Variants in PPIL4 observed in about 807,000 individuals in gnomAD.
PPIL4 encodes the protein peptidyl-prolyl cis-trans isomerase-like 4.
Under a neutral mutation model 69.1 loss-of-function variants are expected in PPIL4, and 50 were observed. The ratio of observed to expected loss-of-function variants is 0.72; its 90% CI spans 0.58 to 0.92. The LOEUF is 0.92. Among genes scored for constraint, PPIL4 ranks in the 40% least tolerant of loss-of-function variants. The pLI, the probability that PPIL4 is intolerant of heterozygous loss-of-function variation, is 0.00. For missense variants in PPIL4, 480 were observed against 587.9 expected (o/e 0.82, Z 1.90); for synonymous variants, 193 against 191.6 (o/e 1.01, Z -0.06).
intron 12 of PPIL4, among the ~76,000 whole-genome samples, chr6:149,509,954 G>GC (rs1249154288): frequency 1.3e-5 from 2 of 151,994 alleles, no homozygotes; most frequent in African/African-American, 4.8e-5. Context: ...TAGAGACAGG[G>GC]CCTCCTATGT....
chr6:149,540,412 T>C (rs894084945), intron 4 of PPIL4, among the ~76,000 whole-genome samples: 11 of 152,188 alleles, frequency 7.2e-5, no homozygotes, highest in African/African-American at 2.7e-4. Context: ...GTCACGTGAT[T>C]GAGACCATCG....
intron 7 of PPIL4, among the ~76,000 whole-genome samples, chr6:149,532,048 A>G (rs932119255): frequency 1.3e-5 from 2 of 152,224 alleles, no homozygotes; most frequent in African/African-American, 4.8e-5. Context: ...TGTTATACAC[A>G]TTGAATACTG....
chr6:149,536,990 G>A (rs1165237734), intron 4 of PPIL4, among the ~76,000 whole-genome samples: 3 of 152,054 alleles, frequency 2.0e-5, no homozygotes, highest in Non-Finnish European at 4.4e-5. Flanking sequence ...GCCAGGCATG[G>A]TGGCGTGTGC....
At chr6:149,531,531 C>CAAAA (rs113611329) in intron 7 of PPIL4, among the ~76,000 whole-genome samples, 41 of 135,460 alleles carry the variant, frequency 3.0e-4, no homozygotes, top group African/African-American at 1.0e-3. Context: ...AACTCCGTCT[C>CAAAA]AAAAAAAAAA....
chr6:149,508,709 G>T (rs962548047), intron 12 of PPIL4, among the ~76,000 whole-genome samples: 3 of 152,140 alleles, frequency 2.0e-5, no homozygotes, highest in Non-Finnish European at 2.9e-5. Context: ...ACCCCCAGCT[G>T]AATACGCATT....
At chr6:149,517,518 T>C in intron 10 of PPIL4, 68 bp from the exon 11 acceptor site, 1 of 707,570 alleles carries the variant, frequency 1.4e-6, no homozygotes, top group Non-Finnish European at 2.3e-6. Context: ...ATAATTATTT[T>C]ATAAAAAGCA....
At chr6:149,545,088 G>A (rs887032949) in intron 1 of PPIL4, among the ~76,000 whole-genome samples, 1 of 152,146 alleles carries the variant, frequency 6.6e-6, no homozygotes, top group Non-Finnish European at 1.5e-5. Flanking sequence ...GACTGACCTA[G>A]GCGTATCTGA....
rs1042732697 is a variant in PPIL4, at chr6:149,521,066, C to T, written c.976G>A (p.Gly326Arg). 3.3e-6 allele frequency: 5 copies of T among 1,534,204 alleles called. No individual in the cohort carries two copies. Among genetic ancestry groups the T allele is most frequent in the Non-Finnish European group, 4.5e-6 (5 of 1,115,450 alleles). ...AAAAGATAAACCATCATACCTTTTC[C>T]TTTCCATTTAACCTTTGCAACCGAC... is the stretch of plus-strand genomic sequence containing the variant. The part of the protein sequence containing the change: ...SQSVAKVKWK[G>R]KGGKYTKSDF... Residue 326 changes from glycine to arginine, a missense_variant, in exon 10 of 13, where the codon GGA becomes AGA. Coordinates refer to ENST00000253329, the MANE Select transcript of PPIL4 (RefSeq NM_139126.4).
Position 149,505,255 on chromosome 6 carries a change from G to T in PPIL4, c.*198C>A. 1 of 455,756 alleles carries T rather than the reference G, an allele frequency of 2.2e-6. No homozygotes were observed. Among genetic ancestry groups the T allele is most frequent in the Non-Finnish European group, 3.8e-6 (1 of 261,202 alleles). The allele number at this position is 455,756 out of a possible 1,614,324, so 28.2% of individuals were successfully genotyped here. On this transcript the variant is annotated 3_prime_UTR_variant, in exon 13 of 13. Coordinates refer to ENST00000253329, the MANE Select transcript of PPIL4 (RefSeq NM_139126.4). ...CCATTTATGTATAACAATAAAATTA[G>T]TGTAAAAAAGTATACAAAGAAAATG...
intron 7 of PPIL4, among the ~76,000 whole-genome samples, chr6:149,527,078 G>A (rs1317890617): frequency 6.6e-6 from 1 of 152,230 alleles, no homozygotes; most frequent in African/African-American, 2.4e-5. Flanking sequence ...AAGTAAAGCG[G>A]CTGAGCATGG....
chr6:149,527,993 C>G (rs1055444938), intron 7 of PPIL4, among the ~76,000 whole-genome samples: 1 of 152,190 alleles, frequency 6.6e-6, no homozygotes, highest in African/African-American at 2.4e-5. Context: ...TGATAGCTCA[C>G]ACCTGTAATC....
At chr6:149,535,548 C>A (rs200999807) in intron 5 of PPIL4, 48 bp downstream of exon 5, 558 of 1,502,422 alleles carry the variant, frequency 3.7e-4, no homozygotes, top group Non-Finnish European at 4.9e-4. Flanking sequence ...TTAAACATCT[C>A]AATATTAAAA....
chr6:149,524,656 T>C (rs1583207939), intron 9 of PPIL4, among the ~76,000 whole-genome samples: 1 of 152,138 alleles, frequency 6.6e-6, no homozygotes, highest in Admixed American at 6.5e-5. Flanking sequence ...TCCCAGCACT[T>C]TGGGAGGCCG....
At chr6:149,513,415 ATATAT>A (rs1776891295) in intron 11 of PPIL4, among the ~76,000 whole-genome samples, 59 of 47,664 alleles carry the variant, frequency 1.2e-3, no homozygotes, top group South Asian at 2.8e-3. Flanking sequence ...AAAAAAAAAT[ATATAT>A]ATATATATAT....
chr6:149,537,214 A>C (rs1234232724), intron 4 of PPIL4, among the ~76,000 whole-genome samples: 1 of 152,238 alleles, frequency 6.6e-6, no homozygotes, highest in Non-Finnish European at 1.5e-5. Context: ...TCATGAAATA[A>C]CAAATTTTCC....
At chr6:149,539,736 A>T (rs927011878) in intron 4 of PPIL4, among the ~76,000 whole-genome samples, 2 of 152,324 alleles carry the variant, frequency 1.3e-5, no homozygotes, top group Admixed American at 6.5e-5. Context: ...ATCACCACCC[A>T]GATTAGTCAA....
At chr6:149,538,022 G>A (rs1055890305) in intron 4 of PPIL4, among the ~76,000 whole-genome samples, 7 of 152,134 alleles carry the variant, frequency 4.6e-5, no homozygotes, top group African/African-American at 1.7e-4. Flanking sequence ...ACTTTGGGAG[G>A]CTGAGGCAGG....
chr6:149,508,627 G>A (rs1050711026), intron 12 of PPIL4, among the ~76,000 whole-genome samples: 1 of 152,100 alleles, frequency 6.6e-6, no homozygotes, highest in Admixed American at 6.5e-5. Context: ...AAAAAGTACA[G>A]TCAAGAATAC....
chr6:149,507,840 C>T (rs1367844118), intron 12 of PPIL4, among the ~76,000 whole-genome samples: 1 of 152,064 alleles, frequency 6.6e-6, no homozygotes, highest in Non-Finnish European at 1.5e-5. Context: ...ATGTGTCAAA[C>T]AAGTACTCTT....
Sources: allele counts gnomAD v4.1 joint callset (sites outside exome capture counted in the v4.1 genomes callset), GRCh38; gene constraint gnomAD v4.1.1; transcripts MANE v1.5; gene names NCBI Gene and HGNC (gene_info 2026-07-23, HGNC 2026-07-21).